PRKG1: variants seen among roughly 807,000 people sequenced by gnomAD.
PRKG1 encodes cGMP-dependent protein kinase 1.
PRKG1 carries 35 observed loss-of-function variants against 88.1 expected under a neutral mutation model. The observed-to-expected ratio is 0.40, with a 90% CI of 0.30 to 0.53. PRKG1 has a LOEUF of 0.53. Among genes scored for constraint, PRKG1 ranks in the 20% least tolerant of loss-of-function variants. The pLI, the probability that PRKG1 is intolerant of heterozygous loss-of-function variation, is 0.59. For missense variants in PRKG1, 540 were observed against 839.8 expected (o/e 0.64, Z 4.41); for synonymous variants, 303 against 292.5 (o/e 1.04, Z -0.37).
intron 2 of PRKG1, among the ~76,000 whole-genome samples, chr10:51,196,160 G>T (rs1024995124): frequency 3.3e-5 from 5 of 152,250 alleles, no homozygotes; most frequent in African/African-American, 4.8e-5. Context: ...GGACAAGGTT[G>T]GTGTTTAGCA....
In PRKG1 at chr10:51,491,838, G is replaced by A. The variant is rs142200705; in HGVS notation, c.592+24002G>A. 3.7e-3 allele frequency among the ~76,000 whole-genome samples: 558 copies of A among 152,158 alleles called. 3 individuals are homozygous for A. The highest frequency in any genetic ancestry group is 0.012 in the African/African-American group (519 of 41,544). On this transcript the variant is annotated intron_variant, in intron 3 of 17. Transcript: ENST00000373980. ...TGGCTGAATATTTTGTTATTGTGAG[G>A]TTTTGCAATTTGGTCTTTATATACA...
rs146717408 is a variant in PRKG1 at position 51,740,812 on chromosome 10, A to C, written c.593-63773A>C. The stretch of plus-strand genomic sequence containing the variant: ...TCAAGATAGTAAATTCTACACAGCT[A>C]TCTCCATTCCTTTAGCTGAGGTAGG... On this transcript the variant is annotated intron_variant, in intron 3 of 17. Transcript: ENST00000373980. Among the ~76,000 whole-genome samples the C allele has an allele frequency of 1.5e-3, 222 of 152,244 alleles. 2 individuals carry two copies. Among genetic ancestry groups the C allele is most frequent in the African/African-American group, 5.1e-3 (211 of 41,540 alleles).
At chr10:51,097,593 T>A (rs1844563788) in intron 1 of PRKG1, among the ~76,000 whole-genome samples, 1 of 152,130 alleles carries the variant, frequency 6.6e-6, no homozygotes, top group Non-Finnish European at 1.5e-5. Flanking sequence ...GCAGCCCCAC[T>A]TGCTGTTACT....
chr10:52,153,143 T>C (rs1837985433), intron 8 of PRKG1, among the ~76,000 whole-genome samples: 1 of 152,192 alleles, frequency 6.6e-6, no homozygotes, highest in Non-Finnish European at 1.5e-5. Flanking sequence ...CCAGTTTTGT[T>C]TTTATTTTCA....
chr10:51,033,084 T>A (rs1203744922), intron 1 of PRKG1, among the ~76,000 whole-genome samples: 2 of 152,140 alleles, frequency 1.3e-5, no homozygotes, highest in Non-Finnish European at 2.9e-5. Context: ...GTATTCCCTG[T>A]CTTAGAATGC....
At chr10:51,524,261 CA>C (rs1232192150) in intron 3 of PRKG1, among the ~76,000 whole-genome samples, 1 of 152,074 alleles carries the variant, frequency 6.6e-6, no homozygotes, top group African/African-American at 2.4e-5. Context: ...TTGTTTATGG[CA>C]ATCTGAGAAT....
At chr10:51,206,696 G>A (rs1195308137) in intron 2 of PRKG1, among the ~76,000 whole-genome samples, 1 of 152,262 alleles carries the variant, frequency 6.6e-6, no homozygotes, top group East Asian at 1.9e-4. Context: ...ATTCATCTTT[G>A]CCTTGATCAC....
intron 3 of PRKG1, among the ~76,000 whole-genome samples, chr10:51,607,453 C>A (rs1838796016): frequency 6.6e-6 from 1 of 152,212 alleles, no homozygotes; most frequent in South Asian, 2.1e-4. Context: ...CTCTCAGTAG[C>A]AGCTAGGTGA....
At chr10:52,122,043 A>T (rs1847832366) in intron 7 of PRKG1, among the ~76,000 whole-genome samples, 1 of 152,214 alleles carries the variant, frequency 6.6e-6, no homozygotes, top group Non-Finnish European at 1.5e-5. Context: ...AAGTTGGGGA[A>T]ACTGTAAAGA....
At chr10:51,052,646 A>C (rs1269902087) in intron 1 of PRKG1, among the ~76,000 whole-genome samples, 15 of 152,224 alleles carry the variant, frequency 9.9e-5, no homozygotes, top group South Asian at 2.1e-4. Context: ...TAACCACCCC[A>C]ATGGTAGAGA....
At chr10:51,511,016 T>C (rs1841386518) in intron 3 of PRKG1, among the ~76,000 whole-genome samples, 1 of 151,782 alleles carries the variant, frequency 6.6e-6, no homozygotes, top group Non-Finnish European at 1.5e-5. Flanking sequence ...CCTCCCAAAG[T>C]GCTGGGATTA....
chr10:51,795,035 T>C (rs375864348), intron 3 of PRKG1, among the ~76,000 whole-genome samples: 6 of 152,130 alleles, frequency 3.9e-5, no homozygotes, highest in East Asian at 1.9e-4. Flanking sequence ...ATCATTATTA[T>C]GAACATATTT....
At chr10:51,663,764 A>T (rs1840359132) in intron 3 of PRKG1, among the ~76,000 whole-genome samples, 1 of 151,166 alleles carries the variant, frequency 6.6e-6, no homozygotes, top group Non-Finnish European at 1.5e-5. Flanking sequence ...CTTCTTAGAT[A>T]TAGCAATGGA....
chr10:51,406,615 ATGTT>A (rs1344943252), intron 2 of PRKG1, among the ~76,000 whole-genome samples: 8 of 92,158 alleles, frequency 8.7e-5, no homozygotes, highest in African/African-American at 3.3e-4. Flanking sequence ...AATAAGCATT[ATGTT>A]TGTTTTTTTT....
chr10:51,543,281 G>A (rs1589061768), intron 3 of PRKG1, among the ~76,000 whole-genome samples: 1 of 152,094 alleles, frequency 6.6e-6, no homozygotes, highest in African/African-American at 2.4e-5. Flanking sequence ...TTGAAAGGTA[G>A]GACTGATGAG....
At chr10:52,228,491 A>G (rs143968822) in intron 9 of PRKG1, among the ~76,000 whole-genome samples, 6 of 152,314 alleles carry the variant, frequency 3.9e-5, no homozygotes, top group African/African-American at 1.4e-4. Flanking sequence ...GATGAAATTT[A>G]GCCTGGGAAT....
chr10:51,658,268 C>G (rs1459735592), intron 3 of PRKG1, among the ~76,000 whole-genome samples: 1 of 152,098 alleles, frequency 6.6e-6, no homozygotes, highest in East Asian at 1.9e-4. Context: ...CTCGCCATAT[C>G]TATTGACAAA....
upstream of PRKG1, chr10:51,074,232 T>C (rs979926934): frequency 2.8e-4 from 58 of 210,524 alleles, no homozygotes; most frequent in Non-Finnish European, 5.0e-4. Context: ...AGCCGCTGCC[T>C]CGGAGCCCCC....
At chr10:51,965,679 CA>C (rs1843549874) in intron 5 of PRKG1, among the ~76,000 whole-genome samples, 1 of 152,088 alleles carries the variant, frequency 6.6e-6, no homozygotes, top group Non-Finnish European at 1.5e-5. Context: ...TGAAGGGAGG[CA>C]CCAGGCAGTA....
Sources: gnomAD v4.1 joint callset for allele counts (sites outside exome capture counted in the v4.1 genomes callset) on GRCh38, gnomAD v4.1.1 for gene constraint, MANE v1.5 for transcripts, NCBI Gene and HGNC (gene_info 2026-07-23, HGNC 2026-07-21) for gene names.